The following LRRC17 variants were observed in gnomAD, a reference collection of about 807,000 sequenced individuals.
The protein encoded by LRRC17 is leucine-rich repeat-containing protein 17.
Under a neutral mutation model 41.5 loss-of-function variants are expected in LRRC17, and 33 were observed. That is an observed-to-expected ratio of 0.80 (90% confidence interval 0.60 to 1.06). The LOEUF is 1.06. Among genes scored for constraint, LRRC17 ranks in the 50% least tolerant of loss-of-function variants. LRRC17 has a pLI of 0.00. For synonymous variants in LRRC17, 192 were observed against 197.0 expected (o/e 0.97, Z 0.21); for missense variants, 491 against 519.3 (o/e 0.95, Z 0.53).
chr7:102,938,920 CA>C (rs1820848411), intron 2 of LRRC17, among the ~76,000 whole-genome samples: 2 of 152,194 alleles, frequency 1.3e-5, no homozygotes, highest in Admixed American at 1.3e-4. Flanking sequence ...ATGGATTCTG[CA>C]GTTTATATTC....
At chr7:102,919,756 G>C (rs1250677127) in intron 1 of LRRC17, among the ~76,000 whole-genome samples, 1 of 152,140 alleles carries the variant, frequency 6.6e-6, no homozygotes, top group Non-Finnish European at 1.5e-5. Context: ...TATCCTCCAA[G>C]ATAATAGTCA....
intron 1 of LRRC17, chr7:102,926,466 G>A: frequency 6.4e-6 from 6 of 933,580 alleles, no homozygotes; most frequent in African/African-American, 3.4e-5. Flanking sequence ...TCCTGTTCCA[G>A]AAAAAAATAC....
At position 102,933,944 on chromosome 7, in the gene LRRC17, T is replaced by C; in HGVS notation, c.31T>C (p.Cys11Arg). Residue 11 changes from cysteine (C) to arginine (R), a missense_variant, in exon 2 of 4, where the codon TGC becomes CGC. Coordinates refer to ENST00000339431, the MANE Select transcript of LRRC17 (RefSeq NM_001031692.3). ...TGTGGTTACCATTGTAATCTTGCTC[T>C]GCTTTTGCAAAGCGGCTGAGCTGCG... MRVVTIVILL[C>R]FCKAAELRKA... The C allele has an allele frequency of 6.2e-7, 1 of 1,612,228 alleles. No individual in the cohort carries two copies. The highest frequency in any genetic ancestry group is 8.5e-7 in the Non-Finnish European group (1 of 1,178,670).
chr7:102,933,679 G>A (rs1043730264), intron 1 of LRRC17, 95 bp from the exon 2 acceptor site: 2 of 332,250 alleles, frequency 6.0e-6, no homozygotes, highest in African/African-American at 4.3e-5. Context: ...TGTGGAACTA[G>A]AAGGCCTTTG....
rs369242358 is a variant in LRRC17, at chr7:102,925,495, G to A, written c.-140-8279G>A. Among the ~76,000 whole-genome samples the A allele has an allele frequency of 1.6e-4, 25 of 152,180 alleles. No individual in the cohort carries two copies. The South Asian group carries it at 1.9e-3, about 11-fold the overall frequency. ...TCCAAAAAAGAGAAGCAATATTCAC[G>A]TCCAATGTTGTCAACACTCCATAAA... is the stretch of plus-strand genomic sequence containing the variant. On this transcript the variant is annotated intron_variant, in intron 1 of 3. Transcript: ENST00000339431.
chr7:102,929,876 T>C (rs1818858116), intron 1 of LRRC17, among the ~76,000 whole-genome samples: 1 of 151,948 alleles, frequency 6.6e-6, no homozygotes, highest in South Asian at 2.1e-4. Context: ...ACACTTTAAG[T>C]GGGTAAATTT....
rs758020457 is a variant in LRRC17 at position 102,944,607 on chromosome 7, A to G, written c.1326A>G (p.Ter442=). 5 of 1,585,598 alleles carry G rather than the reference A, an allele frequency of 3.2e-6. No homozygotes were observed. Among genetic ancestry groups the G allele is most frequent in the Non-Finnish European group, 4.3e-6 (5 of 1,170,090 alleles). Residue 442 remains the stop codon, a stop_retained_variant, in exon 4 of 4, where the codon TAA becomes TAG. Coordinates refer to ENST00000339431, the MANE Select transcript of LRRC17 (RefSeq NM_001031692.3). ...KQSVIITIVG[*] is the part of the protein sequence containing the mutation. ...GCGTAATAATTACTATAGTAGGATA[A>G]GGTAGAAATTGTTCTGATTGTAATT... is the stretch of plus-strand genomic sequence containing the variant.
intron 1 of LRRC17, among the ~76,000 whole-genome samples, chr7:102,920,706 A>T (rs1216112824): frequency 6.6e-6 from 1 of 152,226 alleles, no homozygotes; most frequent in Non-Finnish European, 1.5e-5. Flanking sequence ...AAAAAGGCAA[A>T]GAGAATGAAT....
chr7:102,933,870 T>C lies in LRRC17; in HGVS notation c.-44T>C. 6.6e-7 allele frequency: 1 copy of C among 1,518,508 alleles called. No homozygotes were observed. The allele number at this position is 1,518,508 out of a possible 1,614,324, so 94.1% of individuals were successfully genotyped here. A position where few individuals can be genotyped will look rare whatever the true frequency, so the allele number is the denominator to read the frequency against. ...GGATTTCAAAGGAATACTTTCATTG[T>C]TCCGTCTGTAACACGAAGTAATTGG... On this transcript the variant is annotated 5_prime_UTR_variant, in exon 2 of 4. Coordinates refer to ENST00000339431, the MANE Select transcript of LRRC17 (RefSeq NM_001031692.3).
chr7:102,933,826 G>C lies in LRRC17; in HGVS notation c.-88G>C, dbSNP rs2129473569. 7.2e-7 allele frequency: 1 copy of C among 1,397,552 alleles called. No individual in the cohort carries two copies. Among genetic ancestry groups the C allele is most frequent in the East Asian group, 2.5e-5 (1 of 39,944 alleles). 86.6% of individuals were successfully genotyped at this position (1,397,552 alleles called of 1,614,324 possible). A position where few individuals can be genotyped will look rare whatever the true frequency, so the allele number is the denominator to read the frequency against. On this transcript the variant is annotated 5_prime_UTR_variant, in exon 2 of 4. Coordinates refer to ENST00000339431, the MANE Select transcript of LRRC17 (RefSeq NM_001031692.3). ...GTCTCATTGTTCCAGAACTGCATTA[G>C]TTAAGATTACCCAGACTTGGATTTC... is the stretch of plus-strand genomic sequence containing the variant.
At chr7:102,921,967 G>T (rs1352708319) in intron 1 of LRRC17, among the ~76,000 whole-genome samples, 1 of 152,070 alleles carries the variant, frequency 6.6e-6, no homozygotes, top group Admixed American at 6.5e-5. Flanking sequence ...AAGGTGGGTG[G>T]ATCACTTGAG....
At position 102,913,144 on chromosome 7, in the gene LRRC17, AG is replaced by A. The variant is rs778416974; in HGVS notation, c.-141+1del. On this transcript the variant is annotated splice_region_variant and 5_prime_UTR_variant, in exon 1 of 4. An upstream open reading frame in the 5' UTR gains an earlier in-frame stop. Transcript: ENST00000339431. ...CTTGTGGCATCCATTCCCCAAGTTCAGGTACTGTAAGCCTTTGTCTGTGAAC... is the reference window on the plus strand; with the variant it reads ...CTTGTGGCATCCATTCCCCAAGTTCAGTACTGTAAGCCTTTGTCTGTGAAC... The A allele has an allele frequency of 1.9e-6, 3 of 1,614,226 alleles. No individual in the cohort carries two copies. Among genetic ancestry groups the A allele is most frequent in the South Asian group, 1.1e-5 (1 of 91,084 alleles).
chr7:102,943,488 A>C (rs888546266), intron 3 of LRRC17, among the ~76,000 whole-genome samples: 4 of 152,238 alleles, frequency 2.6e-5, no homozygotes, highest in Non-Finnish European at 4.4e-5. Context: ...ATATAATTAA[A>C]AACAAAACCT....
rs149968856 is a variant in LRRC17 at position 102,917,422 on chromosome 7, A to G, written c.-141+4277A>G. Among the ~76,000 whole-genome samples the G allele has an allele frequency of 2.0e-4, 30 of 152,352 alleles. No homozygotes were observed. The East Asian group carries it at 5.8e-3, about 29-fold the overall frequency. On this transcript the variant is annotated intron_variant, in intron 1 of 3. Transcript: ENST00000339431. ...GCACTGTATGCCCAGAACACCTTGCACATACTAGTTGATCAATACATGGTG... is the reference window on the plus strand; with the variant it reads ...GCACTGTATGCCCAGAACACCTTGCGCATACTAGTTGATCAATACATGGTG...
intron 1 of LRRC17, among the ~76,000 whole-genome samples, chr7:102,918,964 T>C (rs1019430980): frequency 3.3e-5 from 5 of 152,054 alleles, no homozygotes; most frequent in Non-Finnish European, 5.9e-5. Context: ...AAGAAAGAAC[T>C]GAGTGGTATT....
At chr7:102,919,737 G>GT (rs1415518271) in intron 1 of LRRC17, among the ~76,000 whole-genome samples, 8 of 152,110 alleles carry the variant, frequency 5.3e-5, no homozygotes, top group Non-Finnish European at 1.0e-4. Context: ...ATGAAGAGAA[G>GT]TTTCTGTTTA....
rs747092240 is a variant in LRRC17 at position 102,934,044 on chromosome 7, C to T, written c.131C>T (p.Pro44Leu). The T allele has an allele frequency of 5.0e-6, 8 of 1,614,036 alleles. No homozygotes were observed. Among genetic ancestry groups the T allele is most frequent in the South Asian group, 4.4e-5 (4 of 91,074 alleles). ...RAGGGRRGSN[P>L]VKRYAPGLPC... Reference sequence around the variant, plus strand: ...GGTGGAGGCCGGAGAGGCTCCAACCCGGTCAAACGCTACGCACCAGGCCTC... The same window carrying T: ...GGTGGAGGCCGGAGAGGCTCCAACCTGGTCAAACGCTACGCACCAGGCCTC... Residue 44 changes from proline (P) to leucine (L), a missense_variant, in exon 2 of 4, where the codon CCG becomes CTG. Physicochemically the swap from Pro to Leu is moderately conservative, Grantham distance 98 (BLOSUM62 -3). Transcript: ENST00000339431.
intron 1 of LRRC17, among the ~76,000 whole-genome samples, chr7:102,915,216 T>C (rs1244150323): frequency 1.3e-5 from 2 of 151,598 alleles, no homozygotes; most frequent in Admixed American, 6.6e-5. Context: ...TGTAATCTGG[T>C]CTGCTTGTTC....
intron 2 of LRRC17, among the ~76,000 whole-genome samples, chr7:102,937,046 C>T (rs78533620): frequency 0.012 from 1,894 of 152,062 alleles, 44 homozygotes; most frequent in African/African-American, 0.043. Context: ...AAATTCATAC[C>T]CCCTGCTTTA....
Sources: allele counts gnomAD v4.1 joint callset (sites outside exome capture counted in the v4.1 genomes callset), GRCh38; gene constraint gnomAD v4.1.1; transcripts MANE v1.5; gene names NCBI Gene and HGNC (gene_info 2026-07-23, HGNC 2026-07-21).